The following MLLT10 variants were observed in gnomAD, a reference collection of about 807,000 sequenced individuals.
MLLT10 encodes the protein protein AF-10.
In MLLT10, 30 loss-of-function variants were observed where a neutral mutation model predicts 129.1. That is an observed-to-expected ratio of 0.23 (90% CI 0.17 to 0.32). The LOEUF is 0.32. Ranked by LOEUF, MLLT10 falls within the 10% of genes least tolerant of loss-of-function variation. The probability of loss-of-function intolerance (pLI) is 1.00; values close to 1 mark genes in which losing one functional copy is unlikely to be tolerated. For missense variants in MLLT10, 1,119 were observed against 1,268.3 expected (o/e 0.88, Z 1.79); for synonymous variants, 490 against 446.4 (o/e 1.10, Z -1.23).
intron 14 of MLLT10, among the ~76,000 whole-genome samples, chr10:21,721,868 A>G (rs2057156493): frequency 6.6e-6 from 1 of 152,102 alleles, no homozygotes; most frequent in Admixed American, 6.6e-5. Flanking sequence ...TCTATCTTGT[A>G]AAATAATTAC....
intron 5 of MLLT10, among the ~76,000 whole-genome samples, chr10:21,605,042 C>G (rs985689026): frequency 2.0e-5 from 3 of 150,884 alleles, no homozygotes; most frequent in African/African-American, 7.3e-5. Context: ...CTGTGAACAG[C>G]CACTTCACTG....
rs956959684 is a variant in MLLT10, at chr10:21,536,138, G to A, written c.160+1334G>A. Among the ~76,000 whole-genome samples the A allele has an allele frequency of 4.6e-5, 7 of 152,068 alleles. No individual in the cohort carries two copies. In the South Asian group the frequency reaches 6.2e-4, roughly 14 times the overall value. On this transcript the variant is annotated intron_variant, in intron 2 of 22. Transcript: ENST00000307729. Reference sequence around the variant, plus strand: ...TATTTTTTAGTAGAGACGGGGTTTCGCCATGTTGGCCAGGCTGGTCTCAAA... The same window carrying A: ...TATTTTTTAGTAGAGACGGGGTTTCACCATGTTGGCCAGGCTGGTCTCAAA...
intron 14 of MLLT10, among the ~76,000 whole-genome samples, chr10:21,717,614 C>T (rs1399272055): frequency 6.4e-5 from 8 of 124,508 alleles, no homozygotes; most frequent in African/African-American, 2.4e-4. Context: ...CCTCTTCTTC[C>T]TCCTCTTCCT....
chr10:21,578,087 G>A (rs745500923), intron 3 of MLLT10, among the ~76,000 whole-genome samples: 5 of 151,798 alleles, frequency 3.3e-5, no homozygotes, highest in Non-Finnish European at 7.4e-5. Flanking sequence ...AAGAGTTGGA[G>A]TTTCACCATG....
intron 14 of MLLT10, among the ~76,000 whole-genome samples, chr10:21,715,590 T>C (rs374641969): frequency 9.9e-5 from 15 of 152,256 alleles, no homozygotes; most frequent in African/African-American, 3.6e-4. Flanking sequence ...GCATTTCTCT[T>C]TTCTGTCTTT....
intron 2 of MLLT10, among the ~76,000 whole-genome samples, chr10:21,536,296 C>T (rs2130880837): frequency 6.6e-6 from 1 of 152,256 alleles, no homozygotes. Flanking sequence ...GGAGTGAATA[C>T]AATGCGTGTC....
intron 8 of MLLT10, among the ~76,000 whole-genome samples, chr10:21,631,271 G>A (rs1243899814): frequency 7.1e-6 from 1 of 140,202 alleles, no homozygotes; most frequent in African/African-American, 2.7e-5. Context: ...CCGAGATGGT[G>A]CCACTGCACT....
intron 13 of MLLT10, among the ~76,000 whole-genome samples, chr10:21,700,352 C>T (rs1445758441): frequency 6.6e-6 from 1 of 151,988 alleles, no homozygotes; most frequent in Non-Finnish European, 1.5e-5. Flanking sequence ...AACTTGGATG[C>T]CTGTTATTTC....
chr10:21,588,642 A>C (rs983982263), intron 4 of MLLT10, among the ~76,000 whole-genome samples: 1 of 152,232 alleles, frequency 6.6e-6, no homozygotes, highest in East Asian at 1.9e-4. Context: ...CAGTTTTACC[A>C]ATATATGAAT....
chr10:21,718,616 C>T (rs1430861960), intron 14 of MLLT10, among the ~76,000 whole-genome samples: 1 of 152,178 alleles, frequency 6.6e-6, no homozygotes. Flanking sequence ...TCCCATGTTA[C>T]TGTTAAACAA....
At chr10:21,666,342 C>G (rs1479983172) in intron 9 of MLLT10, among the ~76,000 whole-genome samples, 1 of 151,950 alleles carries the variant, frequency 6.6e-6, no homozygotes, top group East Asian at 1.9e-4. Flanking sequence ...ATTGTTACTA[C>G]TTTTGCTCTA....
intron 9 of MLLT10, among the ~76,000 whole-genome samples, chr10:21,665,310 G>GTT (rs2050671447): frequency 7.5e-6 from 1 of 133,382 alleles, no homozygotes; most frequent in South Asian, 2.7e-4. Flanking sequence ...TTGGGGGGGG[G>GTT]GGGGTTTCAC....
At chr10:21,556,869 T>G (rs1223618761) in intron 3 of MLLT10, 1 of 1,551,278 alleles carries the variant, frequency 6.4e-7, no homozygotes. Flanking sequence ...TCCAGGGATA[T>G]TCTTTTTTAT....
In MLLT10 at chr10:21,557,972, C is replaced by G. The variant is rs534701864; in HGVS notation, c.240+19060C>G. On this transcript the variant is annotated intron_variant, in intron 3 of 22. Coordinates refer to ENST00000307729, the MANE Select transcript of MLLT10 (RefSeq NM_001195626.3). ...TCTTTTTTTTTTTTTTTTTTGGAGA[C>G]AGAGTCTCGCTCTTTTGCCCAGGCT... 2.1e-3 allele frequency: 228 copies of G among 108,448 alleles called. 1 individual carries two copies. The highest frequency in any genetic ancestry group is 8.1e-3 in the African/African-American group (220 of 27,048). 6.7% of individuals were successfully genotyped at this position (108,448 alleles called of 1,614,324 possible).
At chr10:21,580,969 C>T (rs1187545683) in intron 3 of MLLT10, among the ~76,000 whole-genome samples, 1 of 150,098 alleles carries the variant, frequency 6.7e-6, no homozygotes, top group African/African-American at 2.5e-5. Flanking sequence ...GCATTGGCTT[C>T]CCAAAGTGTT....
chr10:21,589,428 A>G (rs746684018), intron 4 of MLLT10, among the ~76,000 whole-genome samples: 2 of 151,884 alleles, frequency 1.3e-5, no homozygotes, highest in Admixed American at 6.6e-5. Context: ...CCTGGGCTCA[A>G]GTGATCTTCC....
chr10:21,562,363 G>T (rs866981765), intron 3 of MLLT10, among the ~76,000 whole-genome samples: 2 of 149,562 alleles, frequency 1.3e-5, no homozygotes, highest in Non-Finnish European at 3.0e-5. Context: ...TTGAGACGGC[G>T]TCTCACTCTT....
At chr10:21,663,218 C>G (rs1436273369) in intron 9 of MLLT10, among the ~76,000 whole-genome samples, 1 of 152,150 alleles carries the variant, frequency 6.6e-6, no homozygotes, top group African/African-American at 2.4e-5. Context: ...CCAGGTCCCC[C>G]TGGAGGTTTT....
At chr10:21,614,972 C>T in intron 7 of MLLT10, 48 bp downstream of exon 7, 1 of 1,431,170 alleles carries the variant, frequency 7.0e-7, no homozygotes. Context: ...TTAGTTTTGA[C>T]AATAGAATGA....
Sources: allele counts gnomAD v4.1 joint callset (sites outside exome capture counted in the v4.1 genomes callset), GRCh38; gene constraint gnomAD v4.1.1; transcripts MANE v1.5; gene names NCBI Gene and HGNC (gene_info 2026-07-23, HGNC 2026-07-21).